Variants in DOCK4 observed in about 807,000 individuals in gnomAD.
DOCK4 encodes the protein dedicator of cytokinesis 4, also known as dedicator of cytokinesis protein 4.
DOCK4 carries 97 observed loss-of-function variants against 268.1 expected under a neutral mutation model. The observed-to-expected ratio is 0.36, with a 90% CI of 0.31 to 0.43. The LOEUF (loss-of-function observed/expected upper bound fraction) is 0.43. Ranked by LOEUF, DOCK4 falls within the 20% of genes least tolerant of loss-of-function variation. DOCK4 has a pLI of 1.00. For synonymous variants in DOCK4, 954 were observed against 887.2 expected (o/e 1.08, Z -1.34); for missense variants, 2,145 against 2,455.7 (o/e 0.87, Z 2.67).
intron 1 of DOCK4, among the ~76,000 whole-genome samples, chr7:112,202,805 AT>A (rs1821063287): frequency 6.6e-6 from 1 of 152,086 alleles, no homozygotes. Context: ...TATTATTATT[AT>A]TTGTCAAGGA....
chr7:111,826,193 A>G (rs1802373682), intron 26 of DOCK4, among the ~76,000 whole-genome samples: 1 of 152,214 alleles, frequency 6.6e-6, no homozygotes, highest in Non-Finnish European at 1.5e-5. Flanking sequence ...GGTATTCCAC[A>G]CAGAGGGAAC....
intron 1 of DOCK4, among the ~76,000 whole-genome samples, chr7:112,045,405 ACAT>A (rs542676689): frequency 3.9e-5 from 6 of 152,170 alleles, no homozygotes; most frequent in Middle Eastern, 3.4e-3. Context: ...CACTCCCTCC[ACAT>A]CATCATTTTT....
chr7:111,896,598 CAGCCTGTTA>C (rs1808779214), intron 15 of DOCK4, among the ~76,000 whole-genome samples: 1 of 151,710 alleles, frequency 6.6e-6, no homozygotes, highest in African/African-American at 2.4e-5. Flanking sequence ...CCAGAGCCAG[CAGCCTGTTA>C]AGGGCTGGAT....
At chr7:111,732,426 G>A in intron 51 of DOCK4, 139 bp from the exon 52 acceptor site, 1 of 776,606 alleles carries the variant, frequency 1.3e-6, no homozygotes, top group Non-Finnish European at 2.1e-6. Flanking sequence ...GGTGAGGATG[G>A]GGGAGAAGCT....
At chr7:112,056,037 G>A (rs1408819421) in intron 1 of DOCK4, among the ~76,000 whole-genome samples, 1 of 152,142 alleles carries the variant, frequency 6.6e-6, no homozygotes, top group Non-Finnish European at 1.5e-5. Context: ...TATGATCAGA[G>A]GAAACTTTTC....
At chr7:112,183,371 G>A (rs1819221545) in intron 1 of DOCK4, among the ~76,000 whole-genome samples, 1 of 152,188 alleles carries the variant, frequency 6.6e-6, no homozygotes, top group East Asian at 1.9e-4. Context: ...CATGGAAACT[G>A]AAAGGGCAAA....
At chr7:112,061,743 A>T (rs1447069571) in intron 1 of DOCK4, among the ~76,000 whole-genome samples, 3 of 118,386 alleles carry the variant, frequency 2.5e-5, no homozygotes, top group Admixed American at 2.0e-4. Context: ...ACAATGTCAC[A>T]CACACACACA....
intron 30 of DOCK4, among the ~76,000 whole-genome samples, chr7:111,805,945 T>C (rs762189605): frequency 2.6e-5 from 4 of 152,176 alleles, no homozygotes; most frequent in Non-Finnish European, 5.9e-5. Context: ...GCTTACTAGC[T>C]TTACTAAAAC....
Position 111,940,238 on chromosome 7 carries a change from T to C in DOCK4, c.849A>G (p.Arg283=). ...CATTCTTTTTTTCTCCTGCTCCCAT[T>C]CGACCTGTTCAATTAAAGAGCAATC... ...YITVHIIRIG[R]MGAGEKKNAC... The change falls in exon 11 of 53, where the codon CGA becomes CGG. Residue 283 remains arginine, a synonymous_variant. Transcript: ENST00000428084. The C allele has an allele frequency of 1.2e-6, 2 of 1,613,996 alleles. No individual in the cohort carries two copies. The highest frequency in any genetic ancestry group is 1.7e-6 in the Non-Finnish European group (2 of 1,179,886).
At chr7:111,733,277 A>C (rs189110237) in intron 51 of DOCK4, among the ~76,000 whole-genome samples, 1 of 152,350 alleles carries the variant, frequency 6.6e-6, no homozygotes, top group African/African-American at 2.4e-5. Flanking sequence ...CCATGAGAGC[A>C]ATCAGTGCAG....
intron 23 of DOCK4, among the ~76,000 whole-genome samples, chr7:111,847,378 A>G (rs1248218638): frequency 6.6e-6 from 1 of 152,206 alleles, no homozygotes; most frequent in Non-Finnish European, 1.5e-5. Flanking sequence ...TTTTACCTCT[A>G]AATTTCTAAA....
intron 1 of DOCK4, among the ~76,000 whole-genome samples, chr7:112,131,107 G>A (rs1427921546): frequency 4.6e-5 from 7 of 152,194 alleles, no homozygotes; most frequent in African/African-American, 1.7e-4. Flanking sequence ...ACTAACAAAT[G>A]TGATCCTGCT....
At chr7:111,772,701 C>T (rs2133694423) in intron 36 of DOCK4, among the ~76,000 whole-genome samples, 1 of 152,258 alleles carries the variant, frequency 6.6e-6, no homozygotes, top group African/African-American at 2.4e-5. Flanking sequence ...GAGGCTGAGG[C>T]AGGTGAATCA....
intron 1 of DOCK4, among the ~76,000 whole-genome samples, chr7:112,184,670 T>C (rs1454034708): frequency 6.6e-6 from 1 of 152,088 alleles, no homozygotes; most frequent in Non-Finnish European, 1.5e-5. Flanking sequence ...TCTGTTCCTA[T>C]GGTCACACGC....
chr7:112,149,338 A>G (rs939186012), intron 1 of DOCK4, among the ~76,000 whole-genome samples: 6 of 152,144 alleles, frequency 3.9e-5, no homozygotes, highest in Non-Finnish European at 8.8e-5. Flanking sequence ...GAAGAAAAAA[A>G]TGCAGGACAA....
At chr7:111,860,542 A>G (rs1378888363) in intron 23 of DOCK4, among the ~76,000 whole-genome samples, 2 of 152,156 alleles carry the variant, frequency 1.3e-5, no homozygotes, top group Non-Finnish European at 2.9e-5. Context: ...GCTTCTCCAT[A>G]ATCATTCTCC....
intron 13 of DOCK4, among the ~76,000 whole-genome samples, chr7:111,905,352 T>G (rs745446128): frequency 4.6e-5 from 7 of 152,230 alleles, no homozygotes; most frequent in Non-Finnish European, 1.0e-4. Context: ...TCTAAAAATT[T>G]GATGTGCACC....
At chr7:112,072,148 T>G (rs1018276283) in intron 1 of DOCK4, among the ~76,000 whole-genome samples, 1 of 152,104 alleles carries the variant, frequency 6.6e-6, no homozygotes, top group African/African-American at 2.4e-5. Flanking sequence ...TTTCCAAAGC[T>G]CCAATAAACC....
At chr7:111,859,767 C>T (rs995203125) in intron 23 of DOCK4, among the ~76,000 whole-genome samples, 19 of 151,808 alleles carry the variant, frequency 1.3e-4, no homozygotes, top group Non-Finnish European at 2.1e-4. Flanking sequence ...CGGGGTTTCA[C>T]CGTTTTAGCC....
Sources: allele counts gnomAD v4.1 joint callset (sites outside exome capture counted in the v4.1 genomes callset), GRCh38; gene constraint gnomAD v4.1.1; transcripts MANE v1.5; gene names NCBI Gene and HGNC (gene_info 2026-07-23, HGNC 2026-07-21).